ZMIZ1: variants seen among roughly 807,000 people sequenced by gnomAD.
ZMIZ1 encodes zinc finger MIZ-type containing 1, also known as zinc finger MIZ domain-containing protein 1.
A neutral mutation model predicts 113.9 loss-of-function variants in ZMIZ1; 17 were observed. The observed-to-expected ratio is 0.15, with a 90% CI of 0.10 to 0.22. ZMIZ1 has a LOEUF of 0.22. ZMIZ1 is among the 10% of genes least tolerant of loss of function. ZMIZ1 has a pLI of 1.00. For missense variants in ZMIZ1, 1,059 were observed against 1,477.8 expected (o/e 0.72, Z 4.65); for synonymous variants, 607 against 603.1 (o/e 1.01, Z -0.09).
chr10:79,186,655 A>G (rs1197350651), intron 4 of ZMIZ1, among the ~76,000 whole-genome samples: 1 of 152,246 alleles, frequency 6.6e-6, no homozygotes, highest in Non-Finnish European at 1.5e-5. Flanking sequence ...ACGTACAGCA[A>G]TAGTAAATCA....
chr10:79,274,460 C>T (rs551907166), intron 7 of ZMIZ1, among the ~76,000 whole-genome samples: 16 of 152,360 alleles, frequency 1.1e-4, no homozygotes, highest in Admixed American at 7.8e-4. Context: ...CTGCCTCTGT[C>T]TGTCCCTGTC....
chr10:79,165,881 C>G (rs1846305376), intron 4 of ZMIZ1, among the ~76,000 whole-genome samples: 1 of 140,006 alleles, frequency 7.1e-6, no homozygotes, highest in South Asian at 2.2e-4. Context: ...CTGTGAGCAG[C>G]CAAGCCTGAC....
intron 7 of ZMIZ1, among the ~76,000 whole-genome samples, chr10:79,230,146 C>A (rs567919252): frequency 6.6e-6 from 1 of 152,162 alleles, no homozygotes; most frequent in Non-Finnish European, 1.5e-5. Flanking sequence ...CCTTTTGGCT[C>A]TTTCTCTCTC....
chr10:79,124,128 C>G (rs1844416661), intron 2 of ZMIZ1, among the ~76,000 whole-genome samples: 1 of 152,228 alleles, frequency 6.6e-6, no homozygotes, highest in South Asian at 2.1e-4. Flanking sequence ...GGACTGCTGT[C>G]CTGGTGGGCC....
chr10:79,264,819 C>T (rs573014600), intron 7 of ZMIZ1, among the ~76,000 whole-genome samples: 23 of 152,208 alleles, frequency 1.5e-4, no homozygotes, highest in Non-Finnish European at 2.9e-4. Flanking sequence ...TTTGCAGAAG[C>T]ATTTATTGGG....
chr10:79,308,843 T>C (rs567400483), intron 23 of ZMIZ1, among the ~76,000 whole-genome samples: 7 of 152,130 alleles, frequency 4.6e-5, no homozygotes, highest in African/African-American at 1.4e-4. Context: ...CACTGGAATA[T>C]GGAGTGCTGA....
At chr10:79,215,167 C>G (rs1848671704) in intron 6 of ZMIZ1, among the ~76,000 whole-genome samples, 1 of 152,190 alleles carries the variant, frequency 6.6e-6, no homozygotes, top group African/African-American at 2.4e-5. Flanking sequence ...CCTGCGGTTT[C>G]TAGCTGAGGT....
At chr10:79,240,482 A>G (rs1266678116) in intron 7 of ZMIZ1, among the ~76,000 whole-genome samples, 1 of 152,108 alleles carries the variant, frequency 6.6e-6, no homozygotes, top group Non-Finnish European at 1.5e-5. Flanking sequence ...GCGTGTAACT[A>G]GAAAGAGTTT....
intron 18 of ZMIZ1, among the ~76,000 whole-genome samples, 163 bp from the exon 19 acceptor site, chr10:79,303,852 C>T (rs544656127): frequency 1.3e-5 from 2 of 152,364 alleles, no homozygotes; most frequent in African/African-American, 4.8e-5. Flanking sequence ...GGCCCTGTGA[C>T]TGCCACACAG....
At chr10:79,084,184 A>G (rs934517561) in intron 1 of ZMIZ1, among the ~76,000 whole-genome samples, 1 of 152,190 alleles carries the variant, frequency 6.6e-6, no homozygotes, top group Admixed American at 6.5e-5. Flanking sequence ...CCAGCTCAAA[A>G]GCTGCCATCT....
At chr10:79,299,598 G>A (rs148755906) in intron 16 of ZMIZ1, among the ~76,000 whole-genome samples, 2,088 of 152,340 alleles carry the variant, frequency 0.014, 57 homozygotes, top group African/African-American at 0.047. Flanking sequence ...GGTCAGGCAG[G>A]CCCCATCTAT....
At chr10:79,257,610 A>G (rs1187685638) in intron 7 of ZMIZ1, among the ~76,000 whole-genome samples, 3 of 152,242 alleles carry the variant, frequency 2.0e-5, no homozygotes, top group Admixed American at 2.0e-4. Flanking sequence ...GCCAGGCCTC[A>G]CAGACCATGG....
chr10:79,289,920 T>A (rs1370426667), intron 9 of ZMIZ1, 31 bp downstream of exon 9: 1 of 1,599,134 alleles, frequency 6.3e-7, no homozygotes, highest in Admixed American at 1.7e-5. Flanking sequence ...CAGCCACAGC[T>A]CTTTCTAGGC....
At chr10:79,133,572 C>T (rs543730527) in intron 2 of ZMIZ1, among the ~76,000 whole-genome samples, 1 of 152,308 alleles carries the variant, frequency 6.6e-6, no homozygotes, top group South Asian at 2.1e-4. Flanking sequence ...CCCTAGCCTG[C>T]TTCCTGCCAG....
At chr10:79,154,780 G>T (rs1405948652) in intron 3 of ZMIZ1, among the ~76,000 whole-genome samples, 1 of 152,208 alleles carries the variant, frequency 6.6e-6, no homozygotes, top group East Asian at 1.9e-4. Context: ...GGTCTATGAA[G>T]CCTCTCCTGA....
chr10:79,107,817 G>T (rs1269639437), intron 1 of ZMIZ1, among the ~76,000 whole-genome samples: 1 of 152,182 alleles, frequency 6.6e-6, no homozygotes, highest in African/African-American at 2.4e-5. Flanking sequence ...GGAGCTTCTG[G>T]GCTCTGCTGT....
chr10:79,182,069 T>G (rs1245617603), intron 4 of ZMIZ1, among the ~76,000 whole-genome samples: 3 of 152,184 alleles, frequency 2.0e-5, no homozygotes, highest in Non-Finnish European at 4.4e-5. Context: ...TGGTTCTGTT[T>G]GGGCTGGGAT....
chr10:79,201,289 C>G (rs1252778944), intron 4 of ZMIZ1, among the ~76,000 whole-genome samples: 2 of 152,204 alleles, frequency 1.3e-5, no homozygotes, highest in Non-Finnish European at 2.9e-5. Context: ...GCCTAGGTGA[C>G]AAGAGCAAAA....
At chr10:79,151,799 CTG>C (rs1191973859) in intron 3 of ZMIZ1, among the ~76,000 whole-genome samples, 1 of 152,194 alleles carries the variant, frequency 6.6e-6, no homozygotes, top group Non-Finnish European at 1.5e-5. Context: ...GGAGTGGACT[CTG>C]GAGGCTGCAG....
Sources: allele counts gnomAD v4.1 joint callset (sites outside exome capture counted in the v4.1 genomes callset), GRCh38; gene constraint gnomAD v4.1.1; transcripts MANE v1.5; gene names NCBI Gene and HGNC (gene_info 2026-07-23, HGNC 2026-07-21).